The following SH2B2 variants were observed in gnomAD, a reference collection of about 807,000 sequenced individuals.
SH2B2 encodes SH2B adapter protein 2.
Under a neutral mutation model 35.7 loss-of-function variants are expected in SH2B2, and 37 were observed. The ratio of observed to expected loss-of-function variants is 1.04; its 90% CI spans 0.80 to 1.36. SH2B2 has a LOEUF of 1.36. Ranked by LOEUF, SH2B2 falls within the 40% of genes most tolerant of loss-of-function variation. SH2B2 has a pLI of 0.00. For synonymous variants in SH2B2, 383 were observed against 376.4 expected (o/e 1.02, Z -0.20); for missense variants, 852 against 817.7 (o/e 1.04, Z -0.51).
At chr7:102,296,575 C>T (rs1429207206) in intron 1 of SH2B2, among the ~76,000 whole-genome samples, 1 of 152,228 alleles carries the variant, frequency 6.6e-6, no homozygotes, top group Non-Finnish European at 1.5e-5. Flanking sequence ...GGCAAGGCCC[C>T]CAGGTGATGG....
chr7:102,306,501 G>A (rs1554554854), intron 2 of SH2B2, among the ~76,000 whole-genome samples: 2 of 152,194 alleles, frequency 1.3e-5, no homozygotes, highest in African/African-American at 2.4e-5. Context: ...TAGGATTACA[G>A]GCATGAGCCA....
At chr7:102,293,557 G>C (rs1270662571) in intron 1 of SH2B2, among the ~76,000 whole-genome samples, 2 of 151,816 alleles carry the variant, frequency 1.3e-5, no homozygotes, top group Admixed American at 1.3e-4. Flanking sequence ...GTAATGGATG[G>C]GGGGAGGGTG....
Position 102,321,597 on chromosome 7 carries a change from G to T in SH2B2, c.1866G>T (p.Ala622=). 1 of 1,158,432 alleles carries T rather than the reference G, an allele frequency of 8.6e-7. No individual in the cohort carries two copies. The highest frequency in any genetic ancestry group is 1.1e-6 in the Non-Finnish European group (1 of 941,750). 71.8% of individuals were successfully genotyped at this position (1,158,432 alleles called of 1,614,324 possible). Residue 622 remains alanine (A), a synonymous_variant, in exon 9 of 9, where the codon GCG becomes GCT. Coordinates refer to ENST00000444095, the MANE Select transcript of SH2B2 (RefSeq NM_001359228.2). ...CCCCGGAGGCCGCGCCCGGCCGCGCGCGCGCCGTGGAGAACCAGTACTCCT... is the reference window on the plus strand; with the variant it reads ...CCCCGGAGGCCGCGCCCGGCCGCGCTCGCGCCGTGGAGAACCAGTACTCCT... ...EEPPEAAPGR[A]RAVENQYSFY
intron 3 of SH2B2, among the ~76,000 whole-genome samples, chr7:102,308,137 G>A (rs2242584): frequency 0.6 from 90,751 of 152,128 alleles, 27,187 homozygotes; most frequent in East Asian, 0.69. Flanking sequence ...GTGTCCCAGA[G>A]ACCTGGGTTC....
chr7:102,315,391 C>A (rs933487748), intron 6 of SH2B2, among the ~76,000 whole-genome samples: 1 of 151,788 alleles, frequency 6.6e-6, no homozygotes, highest in African/African-American at 2.4e-5. Flanking sequence ...AGTGCAGTGG[C>A]GGATCACAAC....
Position 102,290,305 on chromosome 7 carries a change from G to A in SH2B2, c.-30+3211G>A, listed in dbSNP as rs529225739. On this transcript the variant is annotated intron_variant, in intron 1 of 8. Transcript: ENST00000444095. The stretch of plus-strand genomic sequence containing the variant: ...GTCGACCAGGCTGGAGTGCAGTGGC[G>A]TGCAACCTCAGCTCCCTGCAACCTC... 3.5e-4 allele frequency among the ~76,000 whole-genome samples: 52 copies of A among 149,582 alleles called. 1 individual carries two copies. The South Asian group carries it at 7.0e-3, about 20-fold the overall frequency.
intron 7 of SH2B2, among the ~76,000 whole-genome samples, chr7:102,319,939 C>A (rs1347313910): frequency 1.3e-5 from 2 of 152,124 alleles, no homozygotes; most frequent in African/African-American, 4.8e-5. Flanking sequence ...GGGAACCACC[C>A]AAACAGGAGT....
At chr7:102,295,883 A>AACC (rs1554552451) in intron 1 of SH2B2, among the ~76,000 whole-genome samples, 2 of 152,054 alleles carry the variant, frequency 1.3e-5, no homozygotes, top group African/African-American at 4.8e-5. Flanking sequence ...CGTGAACTCT[A>AACC]ACCACCACCA....
rs190445298 is a variant in SH2B2, at chr7:102,316,889, G to A, written c.1187-298G>A. 1.6e-3 allele frequency among the ~76,000 whole-genome samples: 247 copies of A among 150,970 alleles called. 5 individuals are homozygous for A. Among genetic ancestry groups the A allele is most frequent in the Admixed American group, 9.6e-3 (145 of 15,172 alleles). ...CAAAAATTAGTTGGGTGTGGTGGTG[G>A]GCGCCTGTAATCCCAGCTACTCGGG... On this transcript the variant is annotated intron_variant, in intron 6 of 8. Transcript: ENST00000444095.
intron 1 of SH2B2, chr7:102,293,020 A>C (rs1586566337): frequency 6.5e-6 from 1 of 152,860 alleles, no homozygotes; most frequent in East Asian, 1.9e-4. Context: ...GGGGGGTGCC[A>C]GCTGGAGGTG....
chr7:102,294,036 G>A (rs77948577), intron 1 of SH2B2, among the ~76,000 whole-genome samples: 5,035 of 152,060 alleles, frequency 0.033, 302 homozygotes, highest in African/African-American at 0.12. Flanking sequence ...GTTTTGTTTC[G>A]GTTTGGTTTT....
chr7:102,286,579 G>A (rs1792452097), upstream of SH2B2, among the ~76,000 whole-genome samples: 1 of 151,896 alleles, frequency 6.6e-6, no homozygotes, highest in South Asian at 2.1e-4. Context: ...GGGCCGGCTC[G>A]GCGACATGGG....
chr7:102,314,679 A>ACAGGTGC lies in SH2B2; in HGVS notation c.1186+1_1186+7dup, dbSNP rs1793751915. ...CGGCAGCGGCAGTGACAGCAATAAC[A>ACAGGTGC]CAGGTGCCAGTGGGGACAGCCTGCT... On this transcript the variant is annotated frameshift_variant, in exon 6 of 9. Coordinates refer to ENST00000444095, the MANE Select transcript of SH2B2 (RefSeq NM_001359228.2). LOFTEE classifies it high-confidence loss of function. The ACAGGTGC allele has an allele frequency of 2.5e-6, 1 of 398,442 alleles. No individual in the cohort carries two copies. The allele number at this position is 398,442 out of a possible 1,614,324, so 24.7% of individuals were successfully genotyped here. A position where few individuals can be genotyped will look rare whatever the true frequency, so the allele number is the denominator to read the frequency against.
chr7:102,315,685 T>G (rs1554556827), intron 6 of SH2B2, among the ~76,000 whole-genome samples: 1 of 133,092 alleles, frequency 7.5e-6, no homozygotes, highest in Non-Finnish European at 1.5e-5. Flanking sequence ...AAGCCTACAG[T>G]GAACTGTGAT....
At chr7:102,319,851 C>G (rs1386712222) in intron 7 of SH2B2, among the ~76,000 whole-genome samples, 4 of 151,940 alleles carry the variant, frequency 2.6e-5, no homozygotes, top group Non-Finnish European at 5.9e-5. Flanking sequence ...CCTCCCCAGC[C>G]AGCCCTGGGG....
In SH2B2 at chr7:102,296,345, C is replaced by T. The variant is rs149182273; in HGVS notation, c.-29-4177C>T. 6.6e-5 allele frequency among the ~76,000 whole-genome samples: 10 copies of T among 152,290 alleles called. No homozygotes were observed. The East Asian group carries it at 9.6e-4, about 15-fold the overall frequency. On this transcript the variant is annotated intron_variant, in intron 1 of 8. Transcript: ENST00000444095. ...CAGGAGCTGCGAGGGAGGGGCATTC[C>T]GGAAACTGTGGGGACCCTGGGAGGA... is the stretch of plus-strand genomic sequence containing the variant.
At chr7:102,293,597 C>T (rs1354512357) in intron 1 of SH2B2, among the ~76,000 whole-genome samples, 1 of 152,014 alleles carries the variant, frequency 6.6e-6, no homozygotes, top group African/African-American at 2.4e-5. Context: ...CGAGGAGGGC[C>T]AGCACCACAG....
chr7:102,285,695 A>G (rs1184337415), upstream of SH2B2, among the ~76,000 whole-genome samples: 3 of 152,348 alleles, frequency 2.0e-5, no homozygotes, highest in East Asian at 3.9e-4. Context: ...GGCTCTGGGA[A>G]AAGTCAGAGG....
Position 102,301,076 on chromosome 7 carries a change from ACG to A in SH2B2, c.529_530del (p.Arg177AlafsTer81). ...PRTAEPRDKW[T>X]RRLRLSRTLA... ...CACCGCCGAGCCCCGCGACAAGTGG[ACG>A]CGGCGCCTGAGGCTGTCGCGGACGC... On this transcript the variant is annotated frameshift_variant, in exon 2 of 9. Transcript: ENST00000444095. LOFTEE classifies it high-confidence loss of function. 7.2e-7 allele frequency: 1 copy of A among 1,395,830 alleles called. No homozygotes were observed. Among genetic ancestry groups the A allele is most frequent in the Non-Finnish European group, 9.3e-7 (1 of 1,079,702 alleles). The allele number at this position is 1,395,830 out of a possible 1,614,324, so 86.5% of individuals were successfully genotyped here.
Sources: gnomAD v4.1 joint callset for allele counts (sites outside exome capture counted in the v4.1 genomes callset) on GRCh38, gnomAD v4.1.1 for gene constraint, MANE v1.5 for transcripts, NCBI Gene and HGNC (gene_info 2026-07-23, HGNC 2026-07-21) for gene names.